The following SAMD5 variants were observed in gnomAD, a reference collection of about 807,000 sequenced individuals.
The protein encoded by SAMD5 is sterile alpha motif domain-containing protein 5.
Under a neutral mutation model 11.3 loss-of-function variants are expected in SAMD5, and 13 were observed. The observed-to-expected ratio is 1.15, with a 90% confidence interval of 0.75 to 1.83. The LOEUF is 1.83. SAMD5 is among the 40% of genes most tolerant of loss of function. The probability of loss-of-function intolerance (pLI) is 0.00; values close to 1 mark genes in which losing one functional copy is unlikely to be tolerated. For synonymous variants in SAMD5, 129 were observed against 111.3 expected (o/e 1.16, Z -1.00); for missense variants, 255 against 239.1 (o/e 1.07, Z -0.44).
intron 1 of SAMD5, among the ~76,000 whole-genome samples, chr6:147,560,482 A>G (rs376749277): frequency 6.6e-6 from 1 of 152,198 alleles, no homozygotes; most frequent in Non-Finnish European, 1.5e-5. Flanking sequence ...CACCGGTTAT[A>G]TTTCTTCAGC....
At chr6:147,673,654 T>A (rs1468468262) in intron 1 of SAMD5, among the ~76,000 whole-genome samples, 2 of 152,222 alleles carry the variant, frequency 1.3e-5, no homozygotes, top group African/African-American at 4.8e-5. Context: ...TAACTATTGT[T>A]AAATGCTGAT....
At chr6:147,763,421 C>A in the SAMD5 span, among the ~76,000 whole-genome samples, 2 of 151,588 alleles carry the variant, frequency 1.3e-5, no homozygotes, top group Non-Finnish European at 2.9e-5. Flanking sequence ...CTCGGCCTCT[C>A]AAAGTGCTGG....
chr6:147,914,163 T>C, the SAMD5 span, among the ~76,000 whole-genome samples: 1 of 151,614 alleles, frequency 6.6e-6, no homozygotes, highest in African/African-American at 2.4e-5. Context: ...TGCGACTTTT[T>C]TTTTTTTTTT....
At chr6:147,853,079 A>G in the SAMD5 span, among the ~76,000 whole-genome samples, 1 of 152,208 alleles carries the variant, frequency 6.6e-6, no homozygotes, top group South Asian at 2.1e-4. Context: ...GTTAGATTGT[A>G]CAGATTCTGA....
At chr6:147,575,971 G>A (rs935881394) in intron 1 of SAMD5, among the ~76,000 whole-genome samples, 5 of 151,878 alleles carry the variant, frequency 3.3e-5, no homozygotes, top group African/African-American at 7.3e-5. Context: ...TGATTATAGC[G>A]TTACCCCTTG....
At chr6:147,514,311 A>C (rs1303438668) in intron 1 of SAMD5, among the ~76,000 whole-genome samples, 1 of 152,034 alleles carries the variant, frequency 6.6e-6, no homozygotes, top group African/African-American at 2.4e-5. Flanking sequence ...AAGAGCTCTC[A>C]TTTCTCTTTC....
the SAMD5 span, among the ~76,000 whole-genome samples, chr6:147,951,238 G>T: frequency 1.3e-5 from 2 of 150,686 alleles, no homozygotes; most frequent in Non-Finnish European, 2.9e-5. Flanking sequence ...CTGGAGTGCA[G>T]TGGCGCGATC....
At chr6:147,549,369 T>C (rs1418790023) in intron 1 of SAMD5, among the ~76,000 whole-genome samples, 1 of 152,210 alleles carries the variant, frequency 6.6e-6, no homozygotes, top group East Asian at 1.9e-4. Context: ...AACTTTGTCA[T>C]GTACTCCTGT....
At chr6:147,848,427 G>A in the SAMD5 span, among the ~76,000 whole-genome samples, 3 of 152,138 alleles carry the variant, frequency 2.0e-5, no homozygotes, top group Admixed American at 6.5e-5. Flanking sequence ...TGGATTACAC[G>A]CCGGACACTG....
chr6:147,671,319 G>C lies in SAMD5; in HGVS notation c.163-65998G>C, dbSNP rs1280006762. Among the ~76,000 whole-genome samples, 5 of 152,200 alleles carry C rather than the reference G, an allele frequency of 3.3e-5. No homozygotes were observed. In the East Asian group the frequency reaches 9.6e-4, roughly 29 times the overall value. On this transcript the variant is annotated intron_variant, in intron 1 of 1. Transcript: ENST00000566741. ...CAGAGACACAAAGTGAGCACATGCT[G>C]TTGGAAAAATGGCGCCATAAGACTT... is the stretch of plus-strand genomic sequence containing the variant.
At chr6:147,654,791 AAT>A (rs1491428732) in intron 1 of SAMD5, among the ~76,000 whole-genome samples, 1 of 150,990 alleles carries the variant, frequency 6.6e-6, no homozygotes, top group African/African-American at 2.4e-5. Flanking sequence ...AAAAAAAAAA[AAT>A]ATAAAACAAA....
intron 1 of SAMD5, among the ~76,000 whole-genome samples, chr6:147,625,157 C>T (rs576933848): frequency 3.3e-5 from 5 of 152,146 alleles, no homozygotes; most frequent in Middle Eastern, 3.4e-3. Context: ...GGTGATTATC[C>T]GCATACATAT....
At chr6:147,816,301 A>AAAAAAAAATATATATATAT in the SAMD5 span, among the ~76,000 whole-genome samples, 4 of 66,360 alleles carry the variant, frequency 6.0e-5, no homozygotes, top group African/African-American at 3.1e-4. Flanking sequence ...AAAAAAAAAA[A>AAAAAAAAATATATATATAT]ATATATATAT....
chr6:147,774,531 A>C, the SAMD5 span, among the ~76,000 whole-genome samples: 1 of 152,090 alleles, frequency 6.6e-6, no homozygotes, highest in Non-Finnish European at 1.5e-5. Context: ...TACCCAGTAC[A>C]ATGTAAATGC....
the SAMD5 span, among the ~76,000 whole-genome samples, chr6:147,804,808 G>C: frequency 6.6e-6 from 1 of 152,148 alleles, no homozygotes; most frequent in Non-Finnish European, 1.5e-5. Flanking sequence ...TTTGCCAGCT[G>C]TTCAAAAATG....
the SAMD5 span, among the ~76,000 whole-genome samples, chr6:147,883,489 T>C: frequency 6.6e-6 from 1 of 152,186 alleles, no homozygotes; most frequent in Non-Finnish European, 1.5e-5. Flanking sequence ...CCCCTTTCCC[T>C]CACAGCTATA....
At position 147,564,623 on chromosome 6, in the gene SAMD5, G is replaced by A. The variant is rs1013761278; in HGVS notation, c.*167G>A. 1.2e-5 allele frequency: 17 copies of A among 1,411,302 alleles called. No homozygotes were observed. In the African/African-American group the frequency reaches 2.0e-4, roughly 17 times the overall value. The allele number at this position is 1,411,302 out of a possible 1,614,324, so 87.4% of individuals were successfully genotyped here. ...CTGGAATAATCAACTTAGTAAACTG[G>A]GTAACTGGCTTATAACAGCTAGAAA... On this transcript the variant is annotated 3_prime_UTR_variant, in exon 2 of 2. Coordinates refer to ENST00000367474, the MANE Select transcript of SAMD5 (RefSeq NM_001030060.3).
At chr6:147,732,650 T>C (rs1030652855) in intron 1 of SAMD5, among the ~76,000 whole-genome samples, 1 of 152,208 alleles carries the variant, frequency 6.6e-6, no homozygotes, top group African/African-American at 2.4e-5. Flanking sequence ...TTATTTTTGA[T>C]GGCATGGGTC....
chr6:147,729,944 G>A (rs1583156783), intron 1 of SAMD5: 2 of 418,976 alleles, frequency 4.8e-6, no homozygotes, highest in South Asian at 3.6e-5. Context: ...AATTAGCCAG[G>A]TGTGATGGCG....
Sources: allele counts gnomAD v4.1 joint callset (sites outside exome capture counted in the v4.1 genomes callset), GRCh38; gene constraint gnomAD v4.1.1; transcripts MANE v1.5; gene names NCBI Gene and HGNC (gene_info 2026-07-23, HGNC 2026-07-21).